NKAIN2: variants seen among roughly 807,000 people sequenced by gnomAD.
NKAIN2 encodes the protein sodium/potassium-transporting ATPase subunit beta-1-interacting protein 2.
In NKAIN2, 14 loss-of-function variants were observed where a neutral mutation model predicts 32.6. The observed-to-expected ratio is 0.43, with a 90% CI of 0.28 to 0.67. The LOEUF (loss-of-function observed/expected upper bound fraction) is 0.67, where lower values mean the gene tolerates loss of function less well. NKAIN2 is among the 30% of genes least tolerant of loss of function. The pLI is 0.17. For missense variants in NKAIN2, 198 were observed against 258.3 expected (o/e 0.77, Z 1.60); for synonymous variants, 80 against 87.2 (o/e 0.92, Z 0.46).
intron 1 of NKAIN2, among the ~76,000 whole-genome samples, chr6:124,274,570 G>T (rs1794939459): frequency 6.6e-6 from 1 of 152,010 alleles, no homozygotes. Flanking sequence ...AACAGCTCTG[G>T]AGTTATGATC....
chr6:124,363,623 C>G (rs573261029), intron 3 of NKAIN2, among the ~76,000 whole-genome samples: 7 of 152,310 alleles, frequency 4.6e-5, no homozygotes, highest in African/African-American at 1.7e-4. Flanking sequence ...ATAGAATAAA[C>G]TAGACTTTCA....
chr6:124,332,376 A>T (rs976779835), intron 2 of NKAIN2, among the ~76,000 whole-genome samples: 2 of 151,980 alleles, frequency 1.3e-5, no homozygotes, highest in Non-Finnish European at 2.9e-5. Flanking sequence ...TGGAATGATT[A>T]CTACACACGA....
chr6:124,290,510 A>ATGTGTGTGTGTGTGTG (rs56389666), intron 2 of NKAIN2, among the ~76,000 whole-genome samples: 2 of 137,786 alleles, frequency 1.5e-5, no homozygotes, highest in African/African-American at 5.4e-5. Context: ...TACCTCAGAA[A>ATGTGTGTGTGTGTGTG]TGTGTGTGTG....
chr6:124,649,399 AG>A (rs1421516809), intron 3 of NKAIN2, among the ~76,000 whole-genome samples: 2 of 152,210 alleles, frequency 1.3e-5, no homozygotes, highest in South Asian at 2.1e-4. Context: ...TGAAAGATGC[AG>A]TCTAAAAAAA....
At chr6:124,569,557 C>T (rs752425058) in intron 3 of NKAIN2, among the ~76,000 whole-genome samples, 14 of 152,020 alleles carry the variant, frequency 9.2e-5, no homozygotes, top group African/African-American at 2.4e-4. Context: ...ATGCTATTCC[C>T]GTGACCGTGA....
At chr6:123,861,805 T>G (rs562901489) in intron 1 of NKAIN2, among the ~76,000 whole-genome samples, 2 of 152,326 alleles carry the variant, frequency 1.3e-5, no homozygotes, top group South Asian at 4.1e-4. Flanking sequence ...TTTTACATTC[T>G]TGGTTAAATT....
At chr6:124,540,625 C>T (rs1035356050) in intron 3 of NKAIN2, among the ~76,000 whole-genome samples, 3 of 152,062 alleles carry the variant, frequency 2.0e-5, no homozygotes, top group South Asian at 2.1e-4. Flanking sequence ...AACAGGTCTG[C>T]GAAACTGGGA....
chr6:124,178,782 T>C (rs1261882187), intron 1 of NKAIN2, among the ~76,000 whole-genome samples: 1 of 152,208 alleles, frequency 6.6e-6, no homozygotes, highest in Non-Finnish European at 1.5e-5. Context: ...GGCTCTATGC[T>C]TCCCACTTGA....
At chr6:124,288,395 A>G (rs902547666) in intron 2 of NKAIN2, among the ~76,000 whole-genome samples, 37 of 152,186 alleles carry the variant, frequency 2.4e-4, no homozygotes, top group African/African-American at 8.9e-4. Flanking sequence ...AGCATTTGTG[A>G]TTTCCAGAGG....
At chr6:123,852,044 A>G (rs887647231) in intron 1 of NKAIN2, among the ~76,000 whole-genome samples, 7 of 152,158 alleles carry the variant, frequency 4.6e-5, no homozygotes, top group African/African-American at 1.2e-4. Flanking sequence ...AGTGTCATGA[A>G]GCTTTAGCCA....
chr6:124,566,298 G>A (rs550402601), intron 3 of NKAIN2, among the ~76,000 whole-genome samples: 3 of 152,202 alleles, frequency 2.0e-5, no homozygotes, highest in Non-Finnish European at 4.4e-5. Context: ...AGAGAAGTCA[G>A]TATGGGCCTT....
intron 1 of NKAIN2, among the ~76,000 whole-genome samples, chr6:124,185,981 A>T (rs559222115): frequency 6.6e-6 from 1 of 151,566 alleles, no homozygotes; most frequent in Admixed American, 6.5e-5. Flanking sequence ...CCAAAATAGG[A>T]ACCGTAGAAG....
intron 1 of NKAIN2, among the ~76,000 whole-genome samples, chr6:124,178,299 C>CT (rs71021481): frequency 0.19 from 26,669 of 139,028 alleles, 2,585 homozygotes; most frequent in East Asian, 0.3. Context: ...CGTACATTAA[C>CT]TTTTTTTTTT....
chr6:124,103,282 G>C (rs1419787417), intron 1 of NKAIN2, among the ~76,000 whole-genome samples: 1 of 152,070 alleles, frequency 6.6e-6, no homozygotes, highest in Non-Finnish European at 1.5e-5. Context: ...GAAAAATAGA[G>C]CGTGAATCGA....
rs1011064043 is a variant in NKAIN2 at position 123,972,318 on chromosome 6, A to G, written c.54+168064A>G. ...TCCATATTGTTCAAGGGTCAACCAT[A>G]CATTATTTAGATTTGATCAAACTGG... On this transcript the variant is annotated intron_variant, in intron 1 of 6. Transcript: ENST00000368417. Among the ~76,000 whole-genome samples, 5 of 152,216 alleles carry G rather than the reference A, an allele frequency of 3.3e-5. No homozygotes were observed. In the East Asian group the frequency reaches 9.6e-4, roughly 29 times the overall value.
chr6:123,949,776 T>G (rs2114579905), intron 1 of NKAIN2, among the ~76,000 whole-genome samples: 1 of 152,180 alleles, frequency 6.6e-6, no homozygotes, highest in South Asian at 2.1e-4. Flanking sequence ...TTCTTCAATT[T>G]TGATGCTTTT....
chr6:124,147,287 C>T (rs1490095593), intron 1 of NKAIN2, among the ~76,000 whole-genome samples: 6 of 152,266 alleles, frequency 3.9e-5, no homozygotes, highest in Middle Eastern at 3.4e-3. Flanking sequence ...CAGGTCATCC[C>T]TCACTAACCT....
intron 4 of NKAIN2, among the ~76,000 whole-genome samples, chr6:124,744,575 G>A (rs906961637): frequency 3.3e-5 from 5 of 151,394 alleles, no homozygotes; most frequent in East Asian, 1.9e-4. Flanking sequence ...TTTTATCCCC[G>A]TGTAGTGAAC....
chr6:124,153,579 A>G (rs1787838577), intron 1 of NKAIN2, among the ~76,000 whole-genome samples: 1 of 151,668 alleles, frequency 6.6e-6, no homozygotes, highest in South Asian at 2.1e-4. Flanking sequence ...GTAGTCTTGC[A>G]CATATTCCAT....
Sources: allele counts gnomAD v4.1 joint callset (sites outside exome capture counted in the v4.1 genomes callset), GRCh38; gene constraint gnomAD v4.1.1; transcripts MANE v1.5; gene names NCBI Gene and HGNC (gene_info 2026-07-23, HGNC 2026-07-21).